IL1RAPL2: variants seen among roughly 807,000 people sequenced by gnomAD.
The protein encoded by IL1RAPL2 is interleukin 1 receptor accessory protein like 2.
IL1RAPL2 carries 3 observed loss-of-function variants against 44.1 expected under a neutral mutation model. That is an observed-to-expected ratio of 0.07 (90% CI 0.03 to 0.18). The LOEUF (loss-of-function observed/expected upper bound fraction) is 0.18. Among genes scored for constraint, IL1RAPL2 ranks in the 10% least tolerant of loss-of-function variants. The probability of loss-of-function intolerance (pLI) is 1.00; values close to 1 mark genes in which losing one functional copy is unlikely to be tolerated. For missense variants in IL1RAPL2, 391 were observed against 496.4 expected (o/e 0.79, Z 2.02); for synonymous variants, 181 against 178.8 (o/e 1.01, Z -0.10).
chrX:104,806,871 G>T (rs1037945188), intron 2 of IL1RAPL2, among the ~76,000 whole-genome samples: 1 of 111,921 alleles, frequency 8.9e-6, no homozygotes, highest in South Asian at 3.7e-4. Flanking sequence ...GATAATCCAC[G>T]TAAAGGGGTT....
Position 104,577,654 on chromosome X carries a change from G to A in IL1RAPL2, c.-20+10603G>A, listed in dbSNP as rs570902414. On this transcript the variant is annotated intron_variant, in intron 1 of 10. Transcript: ENST00000372582. ...TTAAGGTAAAAACTGGTTGTGAGGT[G>A]GGAAGAAAGCACAAGGGTGGTCGGG... Among the ~76,000 whole-genome samples, 21 of 111,002 alleles carry A rather than the reference G, an allele frequency of 1.9e-4. No homozygotes were observed. The South Asian group carries it at 5.8e-3, about 30-fold the overall frequency.
intron 2 of IL1RAPL2, among the ~76,000 whole-genome samples, chrX:104,890,896 T>C (rs1373291870): frequency 8.9e-6 from 1 of 111,936 alleles, no homozygotes; most frequent in Non-Finnish European, 1.9e-5. Flanking sequence ...TGAATGGTAT[T>C]GCCTAAGTTT....
intron 5 of IL1RAPL2, among the ~76,000 whole-genome samples, chrX:105,269,526 C>G (rs16984674): frequency 0.068 from 7,585 of 111,143 alleles, 663 homozygotes; most frequent in African/African-American, 0.24. Flanking sequence ...ATTAGAATTG[C>G]ATGTTCTTTT....
chrX:104,568,718 T>C (rs1373048627), intron 1 of IL1RAPL2, among the ~76,000 whole-genome samples: 3 of 111,682 alleles, frequency 2.7e-5, no homozygotes, highest in Non-Finnish European at 5.6e-5. Flanking sequence ...AAGATAGCAA[T>C]TGGGCAACTA....
chrX:105,532,831 G>A (rs2036647726), intron 6 of IL1RAPL2, among the ~76,000 whole-genome samples: 1 of 110,492 alleles, frequency 9.1e-6, no homozygotes, highest in Non-Finnish European at 1.9e-5. Context: ...GGTATTACAA[G>A]GTATTTCATA....
intron 2 of IL1RAPL2, among the ~76,000 whole-genome samples, chrX:105,064,000 G>A (rs1182642994): frequency 8.9e-6 from 1 of 111,941 alleles, no homozygotes. Flanking sequence ...CCTAAAGCCA[G>A]CACAGCACTG....
At chrX:105,022,343 A>G (rs1226403588) in intron 2 of IL1RAPL2, among the ~76,000 whole-genome samples, 1 of 111,419 alleles carries the variant, frequency 9.0e-6, no homozygotes, top group Non-Finnish European at 1.9e-5. Context: ...CAGAGAAAAT[A>G]AAGAAGAATC....
intron 6 of IL1RAPL2, among the ~76,000 whole-genome samples, chrX:105,530,611 AT>A (rs2036626810): frequency 9.0e-6 from 1 of 110,752 alleles, no homozygotes; most frequent in Admixed American, 9.6e-5. Flanking sequence ...ACTCTTAGAT[AT>A]TTTAAAATAT....
chrX:104,863,793 A>G (rs1054903852), intron 2 of IL1RAPL2, among the ~76,000 whole-genome samples: 3 of 112,186 alleles, frequency 2.7e-5, no homozygotes, highest in Non-Finnish European at 5.6e-5. Context: ...GTAAGACTAA[A>G]TACTATTTCA....
intron 10 of IL1RAPL2, among the ~76,000 whole-genome samples, chrX:105,763,659 G>C (rs972727308): frequency 9.1e-6 from 1 of 110,228 alleles, no homozygotes; most frequent in African/African-American, 3.3e-5. Flanking sequence ...GGGGGAAATG[G>C]GGGAGAAAAA....
intron 3 of IL1RAPL2, among the ~76,000 whole-genome samples, chrX:105,231,273 A>G (rs2034067695): frequency 8.9e-6 from 1 of 112,160 alleles, no homozygotes. Context: ...GATGTAGCCA[A>G]TATTTTTAAT....
chrX:105,594,256 C>T (rs985319302), intron 6 of IL1RAPL2, among the ~76,000 whole-genome samples: 4 of 111,919 alleles, frequency 3.6e-5, no homozygotes, highest in Admixed American at 2.9e-4. Flanking sequence ...TTTAGCATTT[C>T]CAAGCCATCT....
At chrX:105,727,917 T>A (rs1441654877) in intron 7 of IL1RAPL2, among the ~76,000 whole-genome samples, 2 of 111,290 alleles carry the variant, frequency 1.8e-5, no homozygotes, top group Non-Finnish European at 3.8e-5. Flanking sequence ...CACAACAAAA[T>A]TGAGTGGAAA....
intron 6 of IL1RAPL2, among the ~76,000 whole-genome samples, chrX:105,647,081 C>T (rs964343573): frequency 6.2e-5 from 7 of 112,105 alleles, no homozygotes; most frequent in Non-Finnish European, 9.4e-5. Flanking sequence ...TGGAACCCAG[C>T]GACTAGTGTT....
chrX:105,290,828 C>A (rs765853608), intron 5 of IL1RAPL2, among the ~76,000 whole-genome samples: 1 of 111,549 alleles, frequency 9.0e-6, no homozygotes, highest in South Asian at 3.8e-4. Flanking sequence ...TACTAAATAA[C>A]TAGGTGCCTC....
At chrX:105,145,148 C>G (rs1017641825) in intron 2 of IL1RAPL2, among the ~76,000 whole-genome samples, 2 of 111,906 alleles carry the variant, frequency 1.8e-5, no homozygotes, top group Non-Finnish European at 3.8e-5. Flanking sequence ...AACCTAATTT[C>G]TGCTTTTCTA....
At chrX:105,275,361 G>A (rs1186284732) in intron 5 of IL1RAPL2, among the ~76,000 whole-genome samples, 1 of 112,075 alleles carries the variant, frequency 8.9e-6, no homozygotes, top group African/African-American at 3.2e-5. Context: ...AATTGAGTGA[G>A]TATCTGGCTC....
At chrX:104,840,988 C>T (rs1921887119) in intron 2 of IL1RAPL2, among the ~76,000 whole-genome samples, 1 of 110,989 alleles carries the variant, frequency 9.0e-6, no homozygotes. Flanking sequence ...CCACGCCCAG[C>T]CTAAAGTCTC....
At chrX:105,053,604 G>T (rs920064662) in intron 2 of IL1RAPL2, among the ~76,000 whole-genome samples, 6 of 111,487 alleles carry the variant, frequency 5.4e-5, no homozygotes, top group African/African-American at 2.0e-4. Context: ...CTGATTGGTT[G>T]ATATTACAGT....
Sources: gnomAD v4.1 joint callset for allele counts (sites outside exome capture counted in the v4.1 genomes callset) on GRCh38, gnomAD v4.1.1 for gene constraint, MANE v1.5 for transcripts, NCBI Gene and HGNC (gene_info 2026-07-23, HGNC 2026-07-21) for gene names.